Variants in KCP observed in about 807,000 individuals in gnomAD.
KCP encodes the protein kielin/chordin-like protein.
In KCP, 194 loss-of-function variants were observed where a neutral mutation model predicts 212.7. The ratio of observed to expected loss-of-function variants is 0.91; its 90% CI spans 0.81 to 1.03. KCP has a LOEUF of 1.03. Ranked by LOEUF, KCP falls within the 50% of genes least tolerant of loss-of-function variation. The probability of loss-of-function intolerance (pLI) is 0.00; values close to 1 mark genes in which losing one functional copy is unlikely to be tolerated. For missense variants in KCP, 2,080 were observed against 2,162.5 expected (o/e 0.96, Z 0.76); for synonymous variants, 833 against 865.3 (o/e 0.96, Z 0.65).
Position 128,902,865 on chromosome 7 carries a change from G to A in KCP, c.749-6C>T. On this transcript the variant is annotated splice_polypyrimidine_tract_variant and splice_region_variant and intron_variant, in intron 7 of 39. Transcript: ENST00000610776. ...AGAGCCACCTTCTGTGCAGCCTAGG[G>A]TTGAGGGGTTGAGAAGAGGGAGGCC... 1 of 1,550,426 alleles carries A rather than the reference G, an allele frequency of 6.4e-7. No individual in the cohort carries two copies.
Position 128,890,943 on chromosome 7 carries a change from G to T in KCP, c.2126C>A (p.Ala709Glu), listed in dbSNP as rs142146217. ...GCAGCAAGGCCCCTGGCGCGGGTGC[G>T]CGCAGGGCGCGGGCGGGCAGGGCAG... ...QRLPCPPAPC[A>E]HPRQGPCCPS... is the part of the protein sequence containing the mutation. Residue 709 changes from alanine to glutamate, a missense_variant, in exon 20 of 40, where the codon GCG becomes GAG. By Grantham distance (107) the Ala-to-Glu change is moderately radical. Transcript: ENST00000610776. 4.0e-6 allele frequency: 5 copies of T among 1,248,860 alleles called. No homozygotes were observed. The highest frequency in any genetic ancestry group is 7.3e-5 in the South Asian group (2 of 27,448). 77.4% of individuals were successfully genotyped at this position (1,248,860 alleles called of 1,614,324 possible).
Position 128,881,655 on chromosome 7 carries a change from G to T in KCP, c.3395C>A (p.Pro1132His). ...LSCPLSERHTPPGSCCPVCRE... is the reference protein window; with the variant it reads ...LSCPLSERHTHPGSCCPVCRE... The stretch of plus-strand genomic sequence containing the variant: ...GCATACGGGGCAGCAGCTCCCAGGG[G>T]GAGTGTGGCGCTCTGAGAGGGGACA... The change falls in exon 31 of 40, where the codon CCC becomes CAC. Residue 1132 changes from proline (P) to histidine (H), a missense_variant. Transcript: ENST00000610776. 1 of 1,512,438 alleles carries T rather than the reference G, an allele frequency of 6.6e-7. No homozygotes were observed. The highest frequency in any genetic ancestry group is 8.8e-7 in the Non-Finnish European group (1 of 1,136,520). 93.7% of individuals were successfully genotyped at this position (1,512,438 alleles called of 1,614,324 possible).
At position 128,876,911 on chromosome 7, in the gene KCP, G is replaced by A; in HGVS notation, c.*132C>T. On this transcript the variant is annotated 3_prime_UTR_variant, in exon 40 of 40. Coordinates refer to ENST00000610776, the MANE Select transcript of KCP (RefSeq NM_001366122.1). Reference sequence around the variant, plus strand: ...CTGCTGGTGACTCAACATGGCGGGGGTCTTTGCAGGGCAGGGGCCCAGGCT... The same window carrying A: ...CTGCTGGTGACTCAACATGGCGGGGATCTTTGCAGGGCAGGGGCCCAGGCT... 2 of 1,085,212 alleles carry A rather than the reference G, an allele frequency of 1.8e-6. No individual in the cohort carries two copies. Among genetic ancestry groups the A allele is most frequent in the Non-Finnish European group, 2.6e-6 (2 of 782,662 alleles). 67.2% of individuals were successfully genotyped at this position (1,085,212 alleles called of 1,614,324 possible).
chr7:128,905,200 C>T (rs1270160890), intron 5 of KCP, among the ~76,000 whole-genome samples: 2 of 152,046 alleles, frequency 1.3e-5, no homozygotes, highest in African/African-American at 4.8e-5. Flanking sequence ...ATATAGGATG[C>T]CCAGTAAAAT....
chr7:128,880,182 G>A (rs1793240562), intron 34 of KCP, 97 bp from the exon 35 acceptor site: 1 of 1,368,484 alleles, frequency 7.3e-7, no homozygotes, highest in Admixed American at 2.6e-5. Context: ...GGAGTCTCCA[G>A]GGATCTCCAG....
At chr7:128,890,274 G>T in intron 21 of KCP, 69 bp downstream of exon 21, 1 of 1,551,228 alleles carries the variant, frequency 6.4e-7, no homozygotes, top group South Asian at 1.2e-5. Context: ...GGGCAGTAAA[G>T]ATTATTCTGA....
chr7:128,885,392 G>T, intron 26 of KCP, 122 bp from the exon 27 acceptor site: 1 of 993,294 alleles, frequency 1.0e-6, no homozygotes, highest in Non-Finnish European at 1.5e-6. Context: ...GGGATATGGC[G>T]GGAAGGTGCG....
rs992236366 is a variant in KCP at position 128,890,971 on chromosome 7, G to A, written c.2098C>T (p.Arg700Trp). 1.6e-6 allele frequency: 2 copies of A among 1,279,236 alleles called. No homozygotes were observed. The highest frequency in any genetic ancestry group is 2.0e-6 in the Non-Finnish European group (2 of 1,018,634). 79.2% of individuals were successfully genotyped at this position (1,279,236 alleles called of 1,614,324 possible). The stretch of plus-strand genomic sequence containing the variant: ...CAGGGCGCGGGCGGGCAGGGCAGCC[G>A]CTGGCAGGACACGGAGCCGTCGAGG... ...LCLDGSVSCQ[R>W]LPCPPAPCAH... The change falls in exon 20 of 40, where the codon CGG becomes TGG. Residue 700 changes from arginine (R) to tryptophan (W), a missense_variant. Coordinates refer to ENST00000610776, the MANE Select transcript of KCP (RefSeq NM_001366122.1).
Position 128,903,804 on chromosome 7 carries a change from C to T in KCP, c.671G>A (p.Cys224Tyr). The T allele has an allele frequency of 6.5e-7, 1 of 1,549,746 alleles. No homozygotes were observed. Among genetic ancestry groups the T allele is most frequent in the Non-Finnish European group, 8.7e-7 (1 of 1,146,744 alleles). Reference protein sequence around the residue: ...QCTCLRSRVRCMALKCPPSPC... With the variant: ...QCTCLRSRVRYMALKCPPSPC... ...GCTAGGCGGGCACTTCAGGGCCATG[C>T]AGCGAACTCGGCTCCTCTGTAATGC... Residue 224 changes from cysteine (C) to tyrosine (Y), a missense_variant, in exon 7 of 40, where the codon TGC (cysteine) becomes TAC (tyrosine). Transcript: ENST00000610776.
Position 128,890,526 on chromosome 7 carries a change from G to A in KCP, c.2165-13C>T. 1 of 1,542,788 alleles carries A rather than the reference G, an allele frequency of 6.5e-7. No homozygotes were observed. Among genetic ancestry groups the A allele is most frequent in the Non-Finnish European group, 8.7e-7 (1 of 1,144,314 alleles). ...TGGTACAGGCAGCCTGGGGAGAAGG[G>A]CAGGGGCTGGGGGGCCGTGGGGACT... is the stretch of plus-strand genomic sequence containing the variant. On this transcript the variant is annotated splice_polypyrimidine_tract_variant and intron_variant, in intron 20 of 39. Transcript: ENST00000610776.
intron 8 of KCP, among the ~76,000 whole-genome samples, chr7:128,899,953 C>T (rs972346098): frequency 1.5e-5 from 2 of 134,078 alleles, no homozygotes; most frequent in African/African-American, 7.8e-5. Context: ...TACAGGGTTT[C>T]TGACCTGTGG....
Position 128,885,241 on chromosome 7 carries a change from CG to C in KCP, c.2895del (p.Glu966LysfsTer119), listed in dbSNP as rs1225399222. 5.2e-6 allele frequency: 8 copies of C among 1,548,586 alleles called. No homozygotes were observed. In the East Asian group the frequency reaches 2.0e-4, roughly 38 times the overall value. The stretch of plus-strand genomic sequence containing the variant: ...TCGGGGGGCACCCATCTACTGCCTT[CG>C]GGGTGCTCTTCCCCATGAGCCAGGC... The part of the protein sequence containing the change: ...RGCLAHGEEH[P>X]EGSRWVPPDS... On this transcript the variant is annotated frameshift_variant, in exon 27 of 40. Transcript: ENST00000610776. LOFTEE classifies it high-confidence loss of function.
rs1245276979 is a variant in KCP, at chr7:128,891,627, C to T, written c.1795+19G>A. The stretch of plus-strand genomic sequence containing the variant: ...ATGCCATCCCATCCCAGAAGGCCGC[C>T]CTGACCCGCCCACCTCACCGCTGCA... On this transcript the variant is annotated intron_variant, in intron 17 of 39. Coordinates refer to ENST00000610776, the MANE Select transcript of KCP (RefSeq NM_001366122.1). 11 of 1,483,986 alleles carry T rather than the reference C, an allele frequency of 7.4e-6. No homozygotes were observed. The East Asian group carries it at 7.4e-5, about 10-fold the overall frequency. 91.9% of individuals were successfully genotyped at this position (1,483,986 alleles called of 1,614,324 possible).
chr7:128,901,408 C>T (rs1202451275), intron 8 of KCP, among the ~76,000 whole-genome samples: 3 of 152,162 alleles, frequency 2.0e-5, no homozygotes, highest in Admixed American at 6.5e-5. Flanking sequence ...GGGCGGATCA[C>T]GAGGTCAGGA....
At chr7:128,896,187 C>T (rs1459618033) in intron 8 of KCP, among the ~76,000 whole-genome samples, 1 of 152,104 alleles carries the variant, frequency 6.6e-6, no homozygotes, top group Non-Finnish European at 1.5e-5. Context: ...AACCCCCCGA[C>T]CAGAAGGAAA....
At chr7:128,892,068 C>A (rs1440281893) in intron 16 of KCP, among the ~76,000 whole-genome samples, 1 of 152,150 alleles carries the variant, frequency 6.6e-6, no homozygotes, top group African/African-American at 2.4e-5. Flanking sequence ...AGTGCTTACA[C>A]ATGTGTGTAC....
At chr7:128,884,378 C>T (rs1417814651) in intron 28 of KCP, among the ~76,000 whole-genome samples, 1 of 152,232 alleles carries the variant, frequency 6.6e-6, no homozygotes, top group Non-Finnish European at 1.5e-5. Flanking sequence ...GATCCTCCGG[C>T]AGGCTCATGC....
Position 128,880,536 on chromosome 7 carries a change from G to T in KCP, c.3617-8C>A. 1 of 1,460,580 alleles carries T rather than the reference G, an allele frequency of 6.8e-7. No homozygotes were observed. Among genetic ancestry groups the T allele is most frequent in the Non-Finnish European group, 9.1e-7 (1 of 1,095,550 alleles). The allele number at this position is 1,460,580 out of a possible 1,614,324, so 90.5% of individuals were successfully genotyped here. On this transcript the variant is annotated splice_region_variant and splice_polypyrimidine_tract_variant and intron_variant, in intron 33 of 39. Coordinates refer to ENST00000610776, the MANE Select transcript of KCP (RefSeq NM_001366122.1). ...CGCAGGACTGGGTGGGAGCTGAAGG[G>T]ATAGGAGCTGGGAGGGTCAGCTGCT...
At chr7:128,883,218 C>A (rs113402688) in intron 29 of KCP, among the ~76,000 whole-genome samples, 2,331 of 151,538 alleles carry the variant, frequency 0.015, 75 homozygotes, top group African/African-American at 0.054. Flanking sequence ...CAGCTCACTG[C>A]AACCTCTGCC....
Sources: gnomAD v4.1 joint callset for allele counts (sites outside exome capture counted in the v4.1 genomes callset) on GRCh38, gnomAD v4.1.1 for gene constraint, MANE v1.5 for transcripts, NCBI Gene and HGNC (gene_info 2026-07-23, HGNC 2026-07-21) for gene names.